RECQL: variants seen among roughly 807,000 people sequenced by gnomAD.
The protein encoded by RECQL is ATP-dependent DNA helicase Q1.
Under a neutral mutation model 75.8 loss-of-function variants are expected in RECQL, and 73 were observed. The observed-to-expected ratio is 0.96, with a 90% CI of 0.80 to 1.17. The LOEUF (loss-of-function observed/expected upper bound fraction) is 1.17. Ranked by LOEUF, RECQL falls within the 50% of genes most tolerant of loss-of-function variation. The pLI is 0.00. For synonymous variants in RECQL, 248 were observed against 254.4 expected, an observed-to-expected ratio of 0.97 and a Z score of 0.24; for missense variants, 699 against 772.1, an observed-to-expected ratio of 0.91 and a Z score of 1.12.
chr12:21,500,132 T>C (rs544310157), intron 1 of RECQL, among the ~76,000 whole-genome samples: 1 of 152,286 alleles, frequency 6.6e-6, no homozygotes, highest in Non-Finnish European at 1.5e-5. Context: ...TCAACATAAA[T>C]AATAAAATTA....
intron 6 of RECQL, 93 bp downstream of exon 6, chr12:21,483,283 T>C (rs1565569032): frequency 1.2e-6 from 1 of 840,518 alleles, no homozygotes. Flanking sequence ...TACTTGAGGA[T>C]GATTTTAATA....
At chr12:21,497,515 A>G (rs1427810746) in intron 2 of RECQL, among the ~76,000 whole-genome samples, 1 of 152,218 alleles carries the variant, frequency 6.6e-6, no homozygotes, top group Non-Finnish European at 1.5e-5. Flanking sequence ...CCACACTATT[A>G]TAAGCAATGG....
At chr12:21,472,050 A>G (rs1448261657) in intron 12 of RECQL, among the ~76,000 whole-genome samples, 1 of 152,022 alleles carries the variant, frequency 6.6e-6, no homozygotes, top group Non-Finnish European at 1.5e-5. Flanking sequence ...TGATAACCCA[A>G]TTATTAAGAG....
chr12:21,470,049 G>C lies in RECQL; in HGVS notation c.*145C>G. On this transcript the variant is annotated 3_prime_UTR_variant, in exon 15 of 15. Transcript: ENST00000444129. ...ATTTTCAAACATTCTCAAAAGTTTA[G>C]ATCTTCAGAGATAAGCTCTGAAAAT... The C allele has an allele frequency of 1.5e-6, 1 of 666,436 alleles. No homozygotes were observed. Among genetic ancestry groups the C allele is most frequent in the Non-Finnish European group, 2.3e-6 (1 of 430,912 alleles). 41.3% of individuals were successfully genotyped at this position (666,436 alleles called of 1,614,324 possible). A position where few individuals can be genotyped will look rare whatever the true frequency, so the allele number is the denominator to read the frequency against.
chr12:21,477,093 T>A, intron 7 of RECQL, 101 bp from the exon 8 acceptor site: 2 of 714,948 alleles, frequency 2.8e-6, no homozygotes, highest in East Asian at 5.9e-5. Context: ...GACCATAGTG[T>A]TTTTTTTCCT....
rs1292916587 is a variant in RECQL at position 21,483,590 on chromosome 12, A to T, written c.502-16T>A. The T allele has an allele frequency of 1.3e-6, 2 of 1,534,122 alleles. No homozygotes were observed. The highest frequency in any genetic ancestry group is 1.4e-5 in the African/African-American group (1 of 70,800). ...TAACATGCTCCTATTAAAAGAAAAA[A>T]ATAGACACAATGATAGTAAAACTAA... is the stretch of plus-strand genomic sequence containing the variant. On this transcript the variant is annotated splice_polypyrimidine_tract_variant and intron_variant, in intron 5 of 14. Coordinates refer to ENST00000444129, the MANE Select transcript of RECQL (RefSeq NM_002907.4).
chr12:21,486,629 C>A (rs1943304600), intron 4 of RECQL, 44 bp from the exon 5 acceptor site: 3 of 1,162,536 alleles, frequency 2.6e-6, no homozygotes, highest in South Asian at 1.5e-5. Flanking sequence ...CTTTACACCA[C>A]CCTCAGAATC....
chr12:21,488,852 A>T (rs1379585762), intron 4 of RECQL, among the ~76,000 whole-genome samples: 1 of 152,212 alleles, frequency 6.6e-6, no homozygotes, highest in Non-Finnish European at 1.5e-5. Context: ...AAATAAGGAA[A>T]AGTTTTAAAA....
At chr12:21,471,679 T>C in intron 12 of RECQL, 32 bp from the exon 13 acceptor site, 1 of 1,566,844 alleles carries the variant, frequency 6.4e-7, no homozygotes, top group Non-Finnish European at 8.8e-7. Context: ...AGCAGGTAAT[T>C]AGGATTTAGA....
chr12:21,471,292 A>T, intron 13 of RECQL, 136 bp downstream of exon 13: 1 of 967,402 alleles, frequency 1.0e-6, no homozygotes, highest in Non-Finnish European at 1.5e-6. Context: ...TTAAAGTTTG[A>T]GTGTTTTAGG....
At chr12:21,481,183 C>T (rs1194298263) in intron 6 of RECQL, among the ~76,000 whole-genome samples, 3 of 151,664 alleles carry the variant, frequency 2.0e-5, no homozygotes, top group Non-Finnish European at 4.4e-5. Context: ...GAGAGGAGAA[C>T]GGAGAAAGGA....
intron 5 of RECQL, 59 bp from the exon 6 acceptor site, chr12:21,483,633 C>T: frequency 2.0e-5 from 25 of 1,228,432 alleles, no homozygotes; most frequent in Non-Finnish European, 2.8e-5. Context: ...GACTGAAATA[C>T]TAGGTGGTAA....
Position 21,483,358 on chromosome 12 carries a change from T to G in RECQL, c.700+18A>C, listed in dbSNP as rs764111407. 3 of 1,577,672 alleles carry G rather than the reference T, an allele frequency of 1.9e-6. No individual in the cohort carries two copies. Among genetic ancestry groups the G allele is most frequent in the Non-Finnish European group, 2.6e-6 (3 of 1,158,806 alleles). ...CGGTCTATGACATCAAAAAGTTTTC[T>G]AGATAAAACATACATACCAGGTCTG... On this transcript the variant is annotated intron_variant, in intron 6 of 14. Coordinates refer to ENST00000444129, the MANE Select transcript of RECQL (RefSeq NM_002907.4).
chr12:21,477,836 TGTAAAA>T lies in RECQL; in HGVS notation c.828_833del (p.Phe277_Thr278del), dbSNP rs1943114654. 6.2e-7 allele frequency: 1 copy of T among 1,613,382 alleles called. No individual in the cohort carries two copies. Among genetic ancestry groups the T allele is most frequent in the South Asian group, 1.1e-5 (1 of 90,822 alleles). On this transcript the variant is annotated inframe_deletion, in exon 7 of 15. Coordinates refer to ENST00000444129, the MANE Select transcript of RECQL (RefSeq NM_002907.4). ...ATAGATTTGGCCTATTAAAAGAAGCTGTAAAAGTAAAACACTTTTCAATGCACAAAA... is the reference window on the plus strand; with the variant it reads ...ATAGATTTGGCCTATTAAAAGAAGCTGTAAAACACTTTTCAATGCACAAAA...
chr12:21,479,104 C>A (rs1253454054), intron 6 of RECQL, among the ~76,000 whole-genome samples: 1 of 152,150 alleles, frequency 6.6e-6, no homozygotes, highest in East Asian at 1.9e-4. Context: ...CAATCCATTA[C>A]TTTTCTCTAA....
At chr12:21,471,720 G>A (rs1942970913) in intron 12 of RECQL, 73 bp from the exon 13 acceptor site, 1 of 1,192,590 alleles carries the variant, frequency 8.4e-7, no homozygotes, top group Non-Finnish European at 1.2e-6. Context: ...ATCTTAAGTA[G>A]TTAAACTGGT....
chr12:21,479,009 T>C (rs1943140169), intron 6 of RECQL, among the ~76,000 whole-genome samples: 1 of 152,170 alleles, frequency 6.6e-6, no homozygotes, highest in South Asian at 2.1e-4. Context: ...AGCTTCCCTT[T>C]AGGGGTCCCC....
intron 6 of RECQL, among the ~76,000 whole-genome samples, chr12:21,482,683 T>C (rs1442226517): frequency 6.6e-6 from 1 of 152,130 alleles, no homozygotes; most frequent in Admixed American, 6.5e-5. Context: ...GATTGCTATG[T>C]AGGGACAGGA....
intron 1 of RECQL, among the ~76,000 whole-genome samples, 152 bp from the exon 2 acceptor site, chr12:21,499,767 TC>T (rs752639722): frequency 4.6e-5 from 7 of 152,238 alleles, no homozygotes; most frequent in Non-Finnish European, 8.8e-5. Flanking sequence ...ACCACATGGT[TC>T]TTTTGACACT....
Sources: allele counts gnomAD v4.1 joint callset (sites outside exome capture counted in the v4.1 genomes callset), GRCh38; gene constraint gnomAD v4.1.1; transcripts MANE v1.5; gene names NCBI Gene and HGNC (gene_info 2026-07-23, HGNC 2026-07-21).